LRRTM3: variants seen among roughly 807,000 people sequenced by gnomAD.
LRRTM3 encodes the protein leucine-rich repeat transmembrane neuronal protein 3.
A neutral mutation model predicts 44.7 loss-of-function variants in LRRTM3; 24 were observed. The observed-to-expected ratio is 0.54, with a 90% CI of 0.39 to 0.76. LRRTM3 has a LOEUF of 0.76. Among genes scored for constraint, LRRTM3 ranks in the 30% least tolerant of loss-of-function variants. LRRTM3 has a pLI of 0.00. For synonymous variants in LRRTM3, 277 were observed against 278.7 expected (o/e 0.99, Z 0.06); for missense variants, 587 against 702.2 (o/e 0.84, Z 1.85).
At chr10:67,057,430 T>C (rs1395973094) in intron 2 of LRRTM3, among the ~76,000 whole-genome samples, 1 of 152,106 alleles carries the variant, frequency 6.6e-6, no homozygotes, top group African/African-American at 2.4e-5. Context: ...TTTCTCTCAC[T>C]CTGGGACCCC....
chr10:67,045,470 G>A (rs538653601), intron 2 of LRRTM3, among the ~76,000 whole-genome samples: 2 of 152,158 alleles, frequency 1.3e-5, no homozygotes, highest in African/African-American at 2.4e-5. Context: ...CTTGTGTTGC[G>A]AGGGCTGACT....
chr10:67,068,393 G>A (rs1342755433), intron 2 of LRRTM3, among the ~76,000 whole-genome samples: 1 of 152,176 alleles, frequency 6.6e-6, no homozygotes, highest in Non-Finnish European at 1.5e-5. Flanking sequence ...TGTTACGTTG[G>A]GGGACATTCG....
intron 2 of LRRTM3, among the ~76,000 whole-genome samples, chr10:66,948,576 T>C (rs1470882584): frequency 1.3e-5 from 2 of 152,208 alleles, no homozygotes; most frequent in Admixed American, 6.5e-5. Flanking sequence ...GAGTCATTGA[T>C]TTATGGAGCT....
At chr10:67,056,069 G>A (rs1313796877) in intron 2 of LRRTM3, among the ~76,000 whole-genome samples, 6 of 152,036 alleles carry the variant, frequency 3.9e-5, no homozygotes, top group Non-Finnish European at 4.4e-5. Context: ...TGCTTGTAAA[G>A]TATTGGAAAG....
At chr10:66,966,795 C>A (rs1849439158) in intron 2 of LRRTM3, among the ~76,000 whole-genome samples, 1 of 151,890 alleles carries the variant, frequency 6.6e-6, no homozygotes, top group Admixed American at 6.6e-5. Flanking sequence ...TGGAAAAAAA[C>A]AACATGAATC....
intron 2 of LRRTM3, among the ~76,000 whole-genome samples, chr10:67,061,148 A>G (rs1323531569): frequency 6.6e-6 from 1 of 152,204 alleles, no homozygotes; most frequent in African/African-American, 2.4e-5. Context: ...AAAATAACAG[A>G]GCTTTGAGAG....
At chr10:67,064,917 G>A (rs556456521) in intron 2 of LRRTM3, among the ~76,000 whole-genome samples, 3 of 152,256 alleles carry the variant, frequency 2.0e-5, no homozygotes, top group Non-Finnish European at 2.9e-5. Flanking sequence ...AAAGTTATAT[G>A]AGGCAAGAAG....
At chr10:66,982,456 T>C (rs181680373) in intron 2 of LRRTM3, among the ~76,000 whole-genome samples, 1 of 152,200 alleles carries the variant, frequency 6.6e-6, no homozygotes, top group Non-Finnish European at 1.5e-5. Flanking sequence ...CTTGAGAAGA[T>C]AATTTGATGT....
chr10:67,018,830 T>G (rs1309176422), intron 2 of LRRTM3, among the ~76,000 whole-genome samples: 1 of 152,216 alleles, frequency 6.6e-6, no homozygotes, highest in Non-Finnish European at 1.5e-5. Flanking sequence ...ATATTAGATA[T>G]TATTACTACC....
At chr10:66,933,851 GC>G (rs1847543367) in intron 2 of LRRTM3, among the ~76,000 whole-genome samples, 2 of 152,144 alleles carry the variant, frequency 1.3e-5, no homozygotes, top group Admixed American at 6.6e-5. Flanking sequence ...ATATGAAGTA[GC>G]AGGTGTATTT....
At chr10:67,028,657 A>AC (rs1853537720) in intron 2 of LRRTM3, among the ~76,000 whole-genome samples, 1 of 151,984 alleles carries the variant, frequency 6.6e-6, no homozygotes, top group Non-Finnish European at 1.5e-5. Flanking sequence ...TTAAAAAAAA[A>AC]AAAAAAAAGT....
chr10:66,932,933 T>C (rs1294154086), intron 2 of LRRTM3, among the ~76,000 whole-genome samples: 3 of 152,216 alleles, frequency 2.0e-5, no homozygotes, highest in Non-Finnish European at 4.4e-5. Context: ...TTCAAGTTCC[T>C]TTGACACTTG....
chr10:66,996,369 G>C (rs933771493), intron 2 of LRRTM3, among the ~76,000 whole-genome samples: 12 of 152,146 alleles, frequency 7.9e-5, no homozygotes, highest in East Asian at 7.7e-4. Context: ...GTTTGGGCTG[G>C]GTGCAATGGC....
intron 2 of LRRTM3, among the ~76,000 whole-genome samples, chr10:66,971,869 TC>T (rs1849742215): frequency 6.6e-6 from 1 of 152,042 alleles, no homozygotes; most frequent in Admixed American, 6.5e-5. Flanking sequence ...TGAGCCAAAA[TC>T]ATTTTTTTTC....
chr10:67,000,105 C>T (rs895727865), intron 2 of LRRTM3, among the ~76,000 whole-genome samples: 5 of 152,188 alleles, frequency 3.3e-5, no homozygotes, highest in Non-Finnish European at 7.4e-5. Flanking sequence ...TCTAACAACT[C>T]TGGAAGGCTC....
At chr10:66,996,790 A>C (rs535281033) in intron 2 of LRRTM3, among the ~76,000 whole-genome samples, 6 of 152,000 alleles carry the variant, frequency 3.9e-5, no homozygotes, top group Non-Finnish European at 8.8e-5. Flanking sequence ...ATATTATCTA[A>C]AGTAGCATTT....
At chr10:67,036,561 C>T (rs1854074926) in intron 2 of LRRTM3, among the ~76,000 whole-genome samples, 1 of 151,934 alleles carries the variant, frequency 6.6e-6, no homozygotes, top group African/African-American at 2.4e-5. Flanking sequence ...TTGGTAGAGA[C>T]AAGGTCTCCA....
intron 2 of LRRTM3, among the ~76,000 whole-genome samples, chr10:67,011,439 A>G (rs1852332226): frequency 6.6e-6 from 1 of 151,966 alleles, no homozygotes. Context: ...GAAAAAACAG[A>G]AATTTACCCA....
chr10:66,974,174 G>T (rs7903324), intron 2 of LRRTM3, among the ~76,000 whole-genome samples: 2 of 152,060 alleles, frequency 1.3e-5, no homozygotes, highest in Non-Finnish European at 2.9e-5. Context: ...AGCTTGATAC[G>T]AATGAAATCA....
Sources: allele counts gnomAD v4.1 joint callset (sites outside exome capture counted in the v4.1 genomes callset), GRCh38; gene constraint gnomAD v4.1.1; transcripts MANE v1.5; gene names NCBI Gene and HGNC (gene_info 2026-07-23, HGNC 2026-07-21).